CEP164: variants seen among roughly 807,000 people sequenced by gnomAD.
CEP164 encodes the protein centrosomal protein 164, also known as centrosomal protein of 164 kDa.
A neutral mutation model predicts 182.7 loss-of-function variants in CEP164; 162 were observed. The observed-to-expected ratio is 0.89, with a 90% CI of 0.78 to 1.01. The LOEUF (loss-of-function observed/expected upper bound fraction) is 1.01, where lower values mean the gene tolerates loss of function less well. CEP164 is among the 50% of genes least tolerant of loss of function. CEP164 has a pLI of 0.00. For synonymous variants in CEP164, 661 were observed against 690.0 expected (o/e 0.96, Z 0.66); for missense variants, 1,735 against 1,790.4 (o/e 0.97, Z 0.56).
chr11:117,343,140 G>A (rs545034427), intron 3 of CEP164, among the ~76,000 whole-genome samples: 6 of 152,270 alleles, frequency 3.9e-5, no homozygotes. Context: ...CAAAGTGCTG[G>A]GATTACAGGC....
chr11:117,411,553 GC>G lies in CEP164; in HGVS notation c.4164-239del, dbSNP rs2136992351. ...TTGGCGGGAGCAGGCGGATGTGGGAGCCCAGAGCCTTGTATCAGTAGCACCC... is the reference window on the plus strand; with the variant it reads ...TTGGCGGGAGCAGGCGGATGTGGGAGCCAGAGCCTTGTATCAGTAGCACCC... On this transcript the variant is annotated intron_variant, in intron 31 of 32. Transcript: ENST00000278935. The surrounding 1 kb of genome is among the most constrained non-coding windows in gnomAD (Gnocchi z 4.4). The G allele has an allele frequency of 2.1e-6, 1 of 467,776 alleles. No homozygotes were observed. The highest frequency in any genetic ancestry group is 3.9e-6 in the Non-Finnish European group (1 of 258,088). The allele number at this position is 467,776 out of a possible 1,614,324, so 29.0% of individuals were successfully genotyped here. A position where few individuals can be genotyped will look rare whatever the true frequency, so the allele number is the denominator to read the frequency against.
chr11:117,381,740 T>TC lies in CEP164; in HGVS notation c.1454dup (p.Arg486SerfsTer6). 6.2e-7 allele frequency: 1 copy of TC among 1,608,998 alleles called. No homozygotes were observed. The highest frequency in any genetic ancestry group is 8.5e-7 in the Non-Finnish European group (1 of 1,178,042). On this transcript the variant is annotated frameshift_variant, in exon 13 of 33. Coordinates refer to ENST00000278935, the MANE Select transcript of CEP164 (RefSeq NM_014956.5). LOFTEE classifies it high-confidence loss of function. ...TTCCACACGAGGAGCGGGCCCAGAG[T>TC]CCCCCTCGCAGCCTGGCCACTGAAG...
At chr11:117,406,096 C>A (rs1157245475) in intron 27 of CEP164, among the ~76,000 whole-genome samples, 1 of 152,220 alleles carries the variant, frequency 6.6e-6, no homozygotes, top group Non-Finnish European at 1.5e-5. Flanking sequence ...CAACACCCCA[C>A]TCCTGGTACC....
chr11:117,356,721 C>T lies in CEP164; in HGVS notation c.393+4733C>T, dbSNP rs1016534894. ...CCATCAGGCCTGCATTCCTGTTACC[C>T]ACCCTACCGTGGTAACTATTGGCCC... On this transcript the variant is annotated intron_variant, in intron 5 of 32. Transcript: ENST00000278935. 6 of 1,101,094 alleles carry T rather than the reference C, an allele frequency of 5.4e-6. No homozygotes were observed. In the Admixed American group the frequency reaches 2.0e-4, roughly 37 times the overall value. The allele number at this position is 1,101,094 out of a possible 1,614,324, so 68.2% of individuals were successfully genotyped here. A position where few individuals can be genotyped will look rare whatever the true frequency, so the allele number is the denominator to read the frequency against.
rs561519143 is a variant in CEP164 at position 117,335,952 on chromosome 11, C to CA, written c.-22+279dup. On this transcript the variant is annotated intron_variant, in intron 2 of 32. Transcript: ENST00000278935. ...TCTTCAATATTTAGTTCATCATCTT[C>CA]AAAAAAATAGCTCCCCTGCTAAACT... 2.8e-3 allele frequency among the ~76,000 whole-genome samples: 430 copies of CA among 151,622 alleles called. 3 individuals are homozygous for CA. Among genetic ancestry groups the CA allele is most frequent in the African/African-American group, 9.3e-3 (387 of 41,398 alleles).
At chr11:117,323,292 T>C (rs561961165), upstream of CEP164, among the ~76,000 whole-genome samples, 1 of 152,098 alleles carries the variant, frequency 6.6e-6, no homozygotes, top group East Asian at 1.9e-4. Context: ...TGTTCTACTC[T>C]CTATGAGATC....
chr11:117,398,916 C>T (rs926416855), intron 27 of CEP164, among the ~76,000 whole-genome samples: 1 of 152,218 alleles, frequency 6.6e-6, no homozygotes, highest in Non-Finnish European at 1.5e-5. Flanking sequence ...GATTCTGCTC[C>T]TTGTTACATA....
rs557920042 is a variant in CEP164, at chr11:117,332,530, C to G, written c.-97-3075C>G. Among the ~76,000 whole-genome samples the G allele has an allele frequency of 2.6e-5, 4 of 152,180 alleles. No individual in the cohort carries two copies. The South Asian group carries it at 8.3e-4, about 32-fold the overall frequency. ...GGCGGAGGTTGCAGTGAGCCGAGAT[C>G]GCACCATTGCACTCCAGCCTGGGCA... On this transcript the variant is annotated intron_variant, in intron 1 of 32. Transcript: ENST00000278935.
intron 5 of CEP164, among the ~76,000 whole-genome samples, chr11:117,360,923 CCTT>C (rs1048924864): frequency 6.7e-6 from 1 of 148,580 alleles, no homozygotes; most frequent in Non-Finnish European, 1.5e-5. Context: ...CCTCCCGCAT[CCTT>C]CTTATATGGC....
At chr11:117,341,637 G>C (rs1214281861) in intron 3 of CEP164, among the ~76,000 whole-genome samples, 2 of 151,840 alleles carry the variant, frequency 1.3e-5, no homozygotes, top group East Asian at 1.9e-4. Context: ...GTAGAGATGG[G>C]GTCTTGCCGT....
chr11:117,362,270 C>A, intron 6 of CEP164, 134 bp from the exon 7 acceptor site: 1 of 983,734 alleles, frequency 1.0e-6, no homozygotes, highest in Non-Finnish European at 1.5e-6. Flanking sequence ...GAGCTGCAGT[C>A]GCCAGGTCAG....
chr11:117,384,055 A>G (rs1213255055), intron 14 of CEP164, among the ~76,000 whole-genome samples: 2 of 152,204 alleles, frequency 1.3e-5, no homozygotes, highest in Non-Finnish European at 2.9e-5. Flanking sequence ...ACACTAGTTT[A>G]TAGTCACTAG....
Position 117,394,483 on chromosome 11 carries a change from A to C in CEP164, c.2750A>C (p.His917Pro). The change falls in exon 21 of 33, where the codon CAC (histidine) becomes CCC (proline). Residue 917 changes from histidine (H) to proline (P), a missense_variant. By Grantham distance (77) the His-to-Pro change is moderately conservative. Coordinates refer to ENST00000278935, the MANE Select transcript of CEP164 (RefSeq NM_014956.5). The surrounding 1 kb of genome is among the most constrained non-coding windows in gnomAD (Gnocchi z 4.0). ...CGTCTTGAGGACTTGCGGCGCCGGCACAGGGAGCAGGTGAGGGGCCTGGGG... is the reference window on the plus strand; with the variant it reads ...CGTCTTGAGGACTTGCGGCGCCGGCCCAGGGAGCAGGTGAGGGGCCTGGGG... ...HKRLEDLRRR[H>P]REQERKLQDL... The C allele has an allele frequency of 6.2e-7, 1 of 1,613,886 alleles. No individual in the cohort carries two copies. The highest frequency in any genetic ancestry group is 8.5e-7 in the Non-Finnish European group (1 of 1,179,996).
Position 117,394,898 on chromosome 11 carries a change from ATG to A in CEP164, c.2761-18_2761-17del, listed in dbSNP as rs757165573. 6 of 1,611,510 alleles carry A rather than the reference ATG, an allele frequency of 3.7e-6. No homozygotes were observed. In the Admixed American group the frequency reaches 8.3e-5, roughly 22 times the overall value. ...AATGCCTTACACTCTTTCTATGCTT[ATG>A]TGTTTCCCTTTCTGGGCAGGAAAGG... is the stretch of plus-strand genomic sequence containing the variant. On this transcript the variant is annotated intron_variant, in intron 21 of 32. Coordinates refer to ENST00000278935, the MANE Select transcript of CEP164 (RefSeq NM_014956.5). This position sits in a 1 kb window ranked among gnomAD's most constrained non-coding sequence, Gnocchi z 4.0.
chr11:117,373,919 A>G (rs2042476720), intron 10 of CEP164, 88 bp downstream of exon 10: 2 of 1,133,894 alleles, frequency 1.8e-6, no homozygotes, highest in Admixed American at 2.0e-5. Context: ...AGCATCACGC[A>G]GCTTATAAGT....
chr11:117,402,231 T>C lies in CEP164; in HGVS notation c.3501+4918T>C, dbSNP rs1304073119. On this transcript the variant is annotated intron_variant, in intron 27 of 32. Coordinates refer to ENST00000278935, the MANE Select transcript of CEP164 (RefSeq NM_014956.5). Reference sequence around the variant, plus strand: ...GTTTCTTTTCTTTTCTTGTCTTTTTTTTTTTTTTGAGACAGAGTCTTGCTC... The same window carrying C: ...GTTTCTTTTCTTTTCTTGTCTTTTTCTTTTTTTTGAGACAGAGTCTTGCTC... Among the ~76,000 whole-genome samples, 41 of 151,682 alleles carry C rather than the reference T, an allele frequency of 2.7e-4. 1 individual carries two copies. The highest frequency in any genetic ancestry group is 9.4e-4 in the African/African-American group (39 of 41,432).
Position 117,387,335 on chromosome 11 carries a change from G to A in CEP164, c.1857G>A (p.Gln619=), listed in dbSNP as rs2044084882. Residue 619 remains glutamine, a synonymous_variant, in exon 15 of 33, where the codon CAG becomes CAA. Coordinates refer to ENST00000278935, the MANE Select transcript of CEP164 (RefSeq NM_014956.5). ...HLLESKQEKM[Q]QLREKLCQEE... is the part of the protein sequence containing the mutation. ...TGGAATCCAAGCAAGAGAAGATGCA[G>A]CAACTGCGGGAGAAGCTGTGCCAAG... 2 of 1,614,096 alleles carry A rather than the reference G, an allele frequency of 1.2e-6. No homozygotes were observed. The highest frequency in any genetic ancestry group is 2.7e-5 in the African/African-American group (2 of 74,938).
At chr11:117,397,415 C>A in intron 27 of CEP164, 102 bp downstream of exon 27, 1 of 1,167,224 alleles carries the variant, frequency 8.6e-7, no homozygotes, top group Non-Finnish European at 1.2e-6. Flanking sequence ...ATTCTCGGGA[C>A]TCCATGAGAG....
intron 26 of CEP164, 119 bp from the exon 27 acceptor site, chr11:117,396,972 C>A: frequency 1.1e-6 from 1 of 907,190 alleles, no homozygotes; most frequent in Non-Finnish European, 1.7e-6. Context: ...CAGTGCCCAG[C>A]CCTAGCCCAG....
Sources: allele counts gnomAD v4.1 joint callset (sites outside exome capture counted in the v4.1 genomes callset), GRCh38; gene constraint gnomAD v4.1.1; non-coding constraint Gnocchi (gnomAD v3.1); transcripts MANE v1.5; gene names NCBI Gene and HGNC (gene_info 2026-07-23, HGNC 2026-07-21).